Variants in CDC42BPG observed in about 807,000 individuals in gnomAD.
CDC42BPG encodes the protein serine/threonine-protein kinase MRCK gamma.
In CDC42BPG, 157 loss-of-function variants were observed where a neutral mutation model predicts 192.2. The observed-to-expected ratio is 0.82, with a 90% CI of 0.72 to 0.93. The LOEUF (loss-of-function observed/expected upper bound fraction) is 0.93. Among genes scored for constraint, CDC42BPG ranks in the 40% least tolerant of loss-of-function variants. The pLI is 0.00. For synonymous variants in CDC42BPG, 981 were observed against 918.5 expected (o/e 1.07, Z -1.23); for missense variants, 1,992 against 2,122.1 (o/e 0.94, Z 1.20).
At chr11:64,824,553 CA>C in intron 36 of CDC42BPG, 24 bp from the exon 37 acceptor site, 1 of 1,570,150 alleles carries the variant, frequency 6.4e-7, no homozygotes, top group Non-Finnish European at 8.8e-7. Flanking sequence ...AAAAGGAAGT[CA>C]AGGGGTAGGA....
At chr11:64,839,593 G>C in intron 5 of CDC42BPG, 22 bp from the exon 6 acceptor site, 1 of 1,601,568 alleles carries the variant, frequency 6.2e-7, no homozygotes, top group Non-Finnish European at 8.5e-7. Flanking sequence ...CAGGCAGGGA[G>C]AGTGAGGCGT....
At position 64,832,870 on chromosome 11, in the gene CDC42BPG, G is replaced by A. The variant is rs1437809132; in HGVS notation, c.2821C>T (p.His941Tyr). 3.2e-6 allele frequency: 5 copies of A among 1,565,880 alleles called. 1 individual carries two copies. In the South Asian group the frequency reaches 4.7e-5, roughly 15 times the overall value. The change falls in exon 25 of 37, where the codon CAC (histidine) becomes TAC (tyrosine). Residue 941 changes from histidine to tyrosine, a missense_variant. His to Tyr is a moderately conservative substitution (Grantham distance 83, BLOSUM62 2). Coordinates refer to ENST00000342711, the MANE Select transcript of CDC42BPG (RefSeq NM_017525.3). ...PDLLRTALGVHPETGTGTAYE... is the reference protein window; with the variant it reads ...PDLLRTALGVYPETGTGTAYE... The stretch of plus-strand genomic sequence containing the variant: ...GCAGTGCCTGTGCCTGTTTCGGGGT[G>A]TACTCCCAGGGCTGTGCGGAGGAGG...
intron 20 of CDC42BPG, 111 bp from the exon 21 acceptor site, chr11:64,834,088 G>A (rs1265312724): frequency 1.3e-6 from 2 of 1,496,360 alleles, no homozygotes; most frequent in Non-Finnish European, 1.9e-6. Flanking sequence ...ACAGGGTGGG[G>A]CAGGGCTGGG....
intron 8 of CDC42BPG, 57 bp downstream of exon 8, chr11:64,838,597 C>A (rs952716827): frequency 6.3e-7 from 1 of 1,597,022 alleles, no homozygotes; most frequent in South Asian, 1.1e-5. Context: ...GGGAGGGTTC[C>A]CCCAGCCAAC....
chr11:64,825,332 G>C (rs1942376317), intron 36 of CDC42BPG, among the ~76,000 whole-genome samples: 1 of 152,136 alleles, frequency 6.6e-6, no homozygotes, highest in Non-Finnish European at 1.5e-5. Context: ...CAACAGAGGA[G>C]AACAGGCACC....
chr11:64,833,433 G>T, intron 23 of CDC42BPG, 97 bp from the exon 24 acceptor site: 1 of 949,640 alleles, frequency 1.1e-6, no homozygotes, highest in Non-Finnish European at 1.6e-6. Context: ...AGGCAACAGT[G>T]ACCTCCGAGT....
intron 9 of CDC42BPG, 22 bp from the exon 10 acceptor site, chr11:64,837,041 G>A (rs1943052957): frequency 1.9e-6 from 3 of 1,588,190 alleles, no homozygotes; most frequent in Admixed American, 3.3e-5. Flanking sequence ...CAGGGGCCAT[G>A]TTTGTTGGTA....
At position 64,834,983 on chromosome 11, in the gene CDC42BPG, G is replaced by C; in HGVS notation, c.2061-20C>G. ...TTCACCCTGAATGGGAAGGGGCTCA[G>C]GGTCATGGGCTGGGCCCTCAGTCTC... On this transcript the variant is annotated intron_variant, in intron 17 of 36. Coordinates refer to ENST00000342711, the MANE Select transcript of CDC42BPG (RefSeq NM_017525.3). 1 of 1,613,536 alleles carries C rather than the reference G, an allele frequency of 6.2e-7. No homozygotes were observed. Among genetic ancestry groups the C allele is most frequent in the African/African-American group, 1.3e-5 (1 of 75,042 alleles).
At chr11:64,835,683 C>G (rs1784143626) in intron 14 of CDC42BPG, 62 bp from the exon 15 acceptor site, 3 of 1,595,000 alleles carry the variant, frequency 1.9e-6, no homozygotes, top group Non-Finnish European at 1.7e-6. Context: ...CCACCTGGGA[C>G]ACAGGCCTGG....
At chr11:64,837,064 C>A in intron 9 of CDC42BPG, 45 bp from the exon 10 acceptor site, 1 of 1,437,652 alleles carries the variant, frequency 7.0e-7, no homozygotes, top group Non-Finnish European at 9.8e-7. Flanking sequence ...AACCTCACCC[C>A]ACAGAGTCTC....
intron 1 of CDC42BPG, among the ~76,000 whole-genome samples, chr11:64,842,640 C>T (rs1449655607): frequency 6.6e-6 from 1 of 152,240 alleles, no homozygotes; most frequent in African/African-American, 2.4e-5. Context: ...AGCCCTGCCT[C>T]CCTGTCTGGA....
intron 36 of CDC42BPG, among the ~76,000 whole-genome samples, chr11:64,825,733 A>C (rs1942388987): frequency 6.6e-6 from 1 of 151,154 alleles, no homozygotes; most frequent in African/African-American, 2.4e-5. Context: ...CCCTCCTCTG[A>C]CCCCCCAACT....
chr11:64,833,315 G>C lies in CDC42BPG; in HGVS notation c.2647C>G (p.Pro883Ala). 1.3e-6 allele frequency: 2 copies of C among 1,535,792 alleles called. No homozygotes were observed. The highest frequency in any genetic ancestry group is 1.8e-6 in the Non-Finnish European group (2 of 1,140,184). ...TTGGTCGGGGATGGGAAGCTCCGGG[G>C]GCGCAGCGTGTGTGAGCCGGGCTGG... The part of the protein sequence containing the change: ...PAKPGSHTLR[P>A]RSFPSPTKCL... Residue 883 changes from proline to alanine, a missense_variant, in exon 24 of 37, where the codon CCC (proline) becomes GCC (alanine). Transcript: ENST00000342711.
intron 8 of CDC42BPG, 140 bp downstream of exon 8, chr11:64,838,514 G>T: frequency 8.2e-7 from 1 of 1,214,066 alleles, no homozygotes; most frequent in Non-Finnish European, 1.2e-6. Flanking sequence ...GAACGGGTCA[G>T]TCTGGGAGTC....
chr11:64,825,620 G>C (rs188896839), intron 36 of CDC42BPG, among the ~76,000 whole-genome samples: 6 of 152,158 alleles, frequency 3.9e-5, no homozygotes, highest in African/African-American at 1.4e-4. Context: ...CTGGTGTGAC[G>C]GGAGTGGGTG....
At position 64,834,541 on chromosome 11, in the gene CDC42BPG, C is replaced by T. The variant is rs1405163142; in HGVS notation, c.2212G>A (p.Glu738Lys). 4 of 1,586,050 alleles carry T rather than the reference C, an allele frequency of 2.5e-6. No individual in the cohort carries two copies. The highest frequency in any genetic ancestry group is 3.4e-6 in the Non-Finnish European group (4 of 1,163,070). Reference sequence around the variant, plus strand: ...TGCAGCTCCAGCCTGGCCGAGGCCTCCATCTTCTGCAGTCGCCGCGCCTTC... The same window carrying T: ...TGCAGCTCCAGCCTGGCCGAGGCCTTCATCTTCTGCAGTCGCCGCGCCTTC... ...QWKARRLQKM[E>K]ASARLELQSA... The change falls in exon 19 of 37, where the codon GAG (glutamate) becomes AAG (lysine). Residue 738 changes from glutamate (E) to lysine (K), a missense_variant. Glu to Lys is a moderately conservative substitution (Grantham distance 56). This residue lies in a region of CDC42BPG where 1,656 missense variants were observed against 1,844.3 expected (regional missense o/e 0.90). Transcript: ENST00000342711.
At chr11:64,824,620 C>T in intron 36 of CDC42BPG, 91 bp from the exon 37 acceptor site, 1 of 799,130 alleles carries the variant, frequency 1.3e-6, no homozygotes, top group Non-Finnish European at 2.1e-6. Context: ...CCCTTAGGAC[C>T]CATCACCCAC....
At chr11:64,839,593 G>A in intron 5 of CDC42BPG, 22 bp from the exon 6 acceptor site, 1 of 1,601,568 alleles carries the variant, frequency 6.2e-7, no homozygotes, top group East Asian at 2.2e-5. Context: ...CAGGCAGGGA[G>A]AGTGAGGCGT....
In CDC42BPG at chr11:64,836,514, C is replaced by T. The variant is rs140513035; in HGVS notation, c.1401G>A (p.Lys467=). The change falls in exon 12 of 37, where the codon AAG becomes AAA. Residue 467 remains lysine, a synonymous_variant. Transcript: ENST00000342711. ...RDRLPEMLRD[K]ASLSQTDGPP... is the part of the protein sequence containing the mutation. Reference sequence around the variant, plus strand: ...GCCCATCCGTCTGGGACAATGAGGCCTTGTCCCTCAGCATCTCTGCCAGGA... The same window carrying T: ...GCCCATCCGTCTGGGACAATGAGGCTTTGTCCCTCAGCATCTCTGCCAGGA... 1.9e-6 allele frequency: 3 copies of T among 1,613,070 alleles called. No individual in the cohort carries two copies. In the African/African-American group the frequency reaches 4.0e-5, roughly 22 times the overall value.
Sources: allele counts gnomAD v4.1 joint callset (sites outside exome capture counted in the v4.1 genomes callset), GRCh38; gene constraint gnomAD v4.1.1; regional missense constraint gnomAD v4.1.1; transcripts MANE v1.5; gene names NCBI Gene and HGNC (gene_info 2026-07-23, HGNC 2026-07-21).